Variants in FLYWCH2 observed in about 807,000 individuals in gnomAD.
FLYWCH2 encodes the protein FLYWCH family member 2.
FLYWCH2 carries 2 observed loss-of-function variants against 6.0 expected under a neutral mutation model. The observed-to-expected ratio is 0.33, with a 90% CI of 0.14 to 1.04. The LOEUF is 1.04. Among genes scored for constraint, FLYWCH2 ranks in the 50% least tolerant of loss-of-function variants. FLYWCH2 has a pLI of 0.45. For synonymous variants in FLYWCH2, 87 were observed against 79.3 expected, an observed-to-expected ratio of 1.10 and a Z score of -0.52; for missense variants, 192 against 183.4, an observed-to-expected ratio of 1.05 and a Z score of -0.27.
chr16:2,886,260 G>A (rs867310855), intron 1 of FLYWCH2, among the ~76,000 whole-genome samples: 21 of 151,716 alleles, frequency 1.4e-4, no homozygotes, highest in South Asian at 6.3e-4. Context: ...GCGCCACCTC[G>A]GCTCACTGAA....
chr16:2,883,808 G>A (rs1020693093), intron 1 of FLYWCH2, among the ~76,000 whole-genome samples: 77 of 152,352 alleles, frequency 5.1e-4, no homozygotes, highest in Non-Finnish European at 8.1e-4. Flanking sequence ...GAGAGCCGGG[G>A]AGCTGGGACC....
chr16:2,898,335 C>T (rs553199050), intron 3 of FLYWCH2, among the ~76,000 whole-genome samples: 2 of 152,296 alleles, frequency 1.3e-5, no homozygotes, highest in African/African-American at 2.4e-5. Context: ...GCTCTTACTG[C>T]GAAGCCCCCA....
At chr16:2,896,819 TGGCCCCCACA>T in intron 3 of FLYWCH2, 48 bp downstream of exon 3, 2 of 1,550,088 alleles carry the variant, frequency 1.3e-6, no homozygotes, top group Non-Finnish European at 1.7e-6. Flanking sequence ...CCTCCCAGGG[TGGCCCCCACA>T]GCCGCGCTGG....
intron 1 of FLYWCH2, among the ~76,000 whole-genome samples, chr16:2,888,232 A>T (rs1305656049): frequency 2.0e-5 from 3 of 151,324 alleles, no homozygotes; most frequent in African/African-American, 7.3e-5. Flanking sequence ...CTGGTCTCAA[A>T]CTCCTGAGTT....
chr16:2,888,994 A>G (rs928663531), intron 1 of FLYWCH2, among the ~76,000 whole-genome samples: 5 of 152,086 alleles, frequency 3.3e-5, no homozygotes, highest in Admixed American at 1.3e-4. Context: ...GAGGTATTAA[A>G]CACTATGATT....
chr16:2,895,836 CTG>C (rs1567306035), intron 2 of FLYWCH2, among the ~76,000 whole-genome samples: 2 of 152,342 alleles, frequency 1.3e-5, no homozygotes, highest in South Asian at 2.1e-4. Context: ...ACACTGATGT[CTG>C]TTAACATGGA....
At chr16:2,884,461 G>A (rs1375281070) in intron 1 of FLYWCH2, among the ~76,000 whole-genome samples, 1 of 146,742 alleles carries the variant, frequency 6.8e-6, no homozygotes, top group African/African-American at 2.5e-5. Flanking sequence ...GGTGGTTCAC[G>A]CCTGTAATCC....
intron 3 of FLYWCH2, among the ~76,000 whole-genome samples, chr16:2,897,643 C>G (rs1469089856): frequency 6.6e-6 from 1 of 152,218 alleles, no homozygotes; most frequent in Non-Finnish European, 1.5e-5. Context: ...CTGCCCCTTT[C>G]CCTGCACCCA....
intron 1 of FLYWCH2, among the ~76,000 whole-genome samples, chr16:2,885,462 C>A (rs995597710): frequency 6.6e-6 from 1 of 152,210 alleles, no homozygotes; most frequent in African/African-American, 2.4e-5. Context: ...AATTCTCATT[C>A]TCCCCTTCCC....
At chr16:2,888,084 C>G (rs2069718656) in intron 1 of FLYWCH2, among the ~76,000 whole-genome samples, 1 of 152,032 alleles carries the variant, frequency 6.6e-6, no homozygotes, top group Non-Finnish European at 1.5e-5. Context: ...TCTCGGCTCA[C>G]TGCAACCTCC....
At chr16:2,885,667 A>G (rs996305204) in intron 1 of FLYWCH2, among the ~76,000 whole-genome samples, 3 of 152,192 alleles carry the variant, frequency 2.0e-5, no homozygotes, top group African/African-American at 4.8e-5. Flanking sequence ...TTTTACTGCC[A>G]AATAATATTC....
Position 2,889,233 on chromosome 16 carries a change from C to T in FLYWCH2, c.-200+5867C>T, listed in dbSNP as rs188313340. ...ACTTTTTTTTTTTTTTTTTTTGAGACGGAGTCTCGCTCTGTCACACAGCTT... is the reference window on the plus strand; with the variant it reads ...ACTTTTTTTTTTTTTTTTTTTGAGATGGAGTCTCGCTCTGTCACACAGCTT... On this transcript the variant is annotated intron_variant, in intron 1 of 3. Coordinates refer to ENST00000396958, the MANE Select transcript of FLYWCH2 (RefSeq NM_138439.3). Among the ~76,000 whole-genome samples, 3 of 130,416 alleles carry T rather than the reference C, an allele frequency of 2.3e-5. 1 individual carries two copies. The highest frequency in any genetic ancestry group is 5.9e-5 in the African/African-American group (2 of 34,066). 85.6% of individuals were successfully genotyped at this position (130,416 alleles called of 152,430 possible).
intron 3 of FLYWCH2, chr16:2,898,809 G>A (rs544256883): frequency 4.7e-6 from 2 of 421,654 alleles, no homozygotes; most frequent in South Asian, 4.4e-5. Context: ...GCTTCCCAGT[G>A]CTCAGCACAA....
In FLYWCH2 at chr16:2,896,471, G is replaced by A. The variant is rs764816384; in HGVS notation, c.22G>A (p.Glu8Lys). The change falls in exon 3 of 4, where the codon GAG becomes AAG. Residue 8 changes from glutamate (E) to lysine (K), a missense_variant. Coordinates refer to ENST00000396958, the MANE Select transcript of FLYWCH2 (RefSeq NM_138439.3). ...CGGGATGCCCCTGCCCGAGCCCAGC[G>A]AGCAGGAGGGTGAGAGTGTGAAGGC... MPLPEPSEQEGESVKASQ... is the reference protein window; with the variant it reads MPLPEPSKQEGESVKASQ... 1.1e-5 allele frequency: 17 copies of A among 1,613,308 alleles called. No homozygotes were observed. The Admixed American group carries it at 1.5e-4, about 14-fold the overall frequency.
At chr16:2,893,634 C>CT (rs35147234) in intron 1 of FLYWCH2, among the ~76,000 whole-genome samples, 3,471 of 111,818 alleles carry the variant, frequency 0.031, 103 homozygotes, top group Non-Finnish European at 0.044. Flanking sequence ...TTCTTTTCTT[C>CT]TTTTTTTTTT....
At chr16:2,884,147 G>A (rs1184125928) in intron 1 of FLYWCH2, among the ~76,000 whole-genome samples, 2 of 152,166 alleles carry the variant, frequency 1.3e-5, no homozygotes, top group South Asian at 2.1e-4. Context: ...GAACTTTTGC[G>A]ATGACTTCAC....
At chr16:2,894,131 A>G (rs2069791043) in intron 1 of FLYWCH2, among the ~76,000 whole-genome samples, 1 of 152,214 alleles carries the variant, frequency 6.6e-6, no homozygotes, top group Admixed American at 6.5e-5. Context: ...TCTGGGGGTC[A>G]GAGTGAGTGT....
intron 3 of FLYWCH2, among the ~76,000 whole-genome samples, chr16:2,898,073 G>A (rs2069843487): frequency 6.6e-6 from 1 of 152,152 alleles, no homozygotes; most frequent in African/African-American, 2.4e-5. Flanking sequence ...GCCGTGCAGG[G>A]ACCCTGCCTC....
intron 1 of FLYWCH2, among the ~76,000 whole-genome samples, chr16:2,883,669 C>T (rs940462741): frequency 6.6e-6 from 1 of 152,272 alleles, no homozygotes; most frequent in African/African-American, 2.4e-5. Context: ...ACCCCCCAAC[C>T]CCCGCCGGCC....
Sources: gnomAD v4.1 joint callset for allele counts (sites outside exome capture counted in the v4.1 genomes callset) on GRCh38, gnomAD v4.1.1 for gene constraint, MANE v1.5 for transcripts, NCBI Gene and HGNC (gene_info 2026-07-23, HGNC 2026-07-21) for gene names.